NPY2R: variants seen among roughly 807,000 people sequenced by gnomAD.
NPY2R encodes neuropeptide Y receptor Y2, also known as neuropeptide Y receptor type 2.
In NPY2R, 17 loss-of-function variants were observed where a neutral mutation model predicts 22.3. That is an observed-to-expected ratio of 0.76 (90% CI 0.52 to 1.14). The LOEUF (loss-of-function observed/expected upper bound fraction) is 1.14. Among genes scored for constraint, NPY2R ranks in the 50% most tolerant of loss-of-function variants. The pLI is 0.00. For missense variants in NPY2R, 424 were observed against 467.9 expected, an observed-to-expected ratio of 0.91 and a Z score of 0.87; for synonymous variants, 209 against 183.4, an observed-to-expected ratio of 1.14 and a Z score of -1.13.
At chr4:155,177,129 C>T in the NPY2R span, among the ~76,000 whole-genome samples, 1 of 152,160 alleles carries the variant, frequency 6.6e-6, no homozygotes, top group Non-Finnish European at 1.5e-5. Flanking sequence ...TCATTCCATC[C>T]CAGTAGTCTC....
At chr4:155,200,235 A>G in the NPY2R span, among the ~76,000 whole-genome samples, 1 of 152,180 alleles carries the variant, frequency 6.6e-6, no homozygotes, top group South Asian at 2.1e-4. Flanking sequence ...GTGGTCAACA[A>G]ACATATGGGG....
Position 155,216,443 on chromosome 4 carries a change from G to A in NPY2R, c.*1358G>A, listed in dbSNP as rs532271459. 11 of 166,666 alleles carry A rather than the reference G, an allele frequency of 6.6e-5. 1 individual carries two copies. The highest frequency in any genetic ancestry group is 6.2e-4 in the South Asian group (3 of 4,810). 10.3% of individuals were successfully genotyped at this position (166,666 alleles called of 1,614,324 possible). A position where few individuals can be genotyped will look rare whatever the true frequency, so the allele number is the denominator to read the frequency against. Reference sequence around the variant, plus strand: ...AACTGAGATGTTAAAATAGTCATACGTCTTTAGATGCTATTAAAGTTTCAT... The same window carrying A: ...AACTGAGATGTTAAAATAGTCATACATCTTTAGATGCTATTAAAGTTTCAT... On this transcript the variant is annotated 3_prime_UTR_variant, in exon 2 of 2. Transcript: ENST00000329476.
In NPY2R at chr4:155,213,871, T is replaced by C. The variant is rs1312078835; in HGVS notation, c.-48-21T>C. ...GGTTTTTGTTGTTGTTGTTTTGTTT[T>C]ATTTTGTTTTTTCTTTTTAGGTTGT... On this transcript the variant is annotated intron_variant, in intron 1 of 1. Transcript: ENST00000329476. The C allele has an allele frequency of 2.3e-6, 3 of 1,285,604 alleles. No individual in the cohort carries two copies. In the Admixed American group the frequency reaches 5.1e-5, roughly 22 times the overall value. The allele number at this position is 1,285,604 out of a possible 1,614,324, so 79.6% of individuals were successfully genotyped here. A position where few individuals can be genotyped will look rare whatever the true frequency, so the allele number is the denominator to read the frequency against.
the NPY2R span, among the ~76,000 whole-genome samples, chr4:155,192,390 T>G: frequency 2.6e-5 from 4 of 151,834 alleles, no homozygotes; most frequent in Non-Finnish European, 5.9e-5. Flanking sequence ...AATATATTAG[T>G]GAAGACATTG....
the NPY2R span, among the ~76,000 whole-genome samples, chr4:155,175,787 TAAC>T: frequency 7.1e-6 from 1 of 140,018 alleles, no homozygotes; most frequent in East Asian, 2.1e-4. Context: ...AAGCAAAATA[TAAC>T]AATAAAGAAA....
At chr4:155,189,132 C>T in the NPY2R span, among the ~76,000 whole-genome samples, 1 of 152,110 alleles carries the variant, frequency 6.6e-6, no homozygotes, top group East Asian at 1.9e-4. Flanking sequence ...GTTTACATTG[C>T]TACCAGAATG....
the NPY2R span, among the ~76,000 whole-genome samples, chr4:155,185,328 G>A: frequency 4.7e-4 from 71 of 152,168 alleles, no homozygotes; most frequent in Admixed American, 1.6e-3. Flanking sequence ...GTGAGCCACC[G>A]CGCCCAGCCA....
the NPY2R span, among the ~76,000 whole-genome samples, chr4:155,180,591 TCTGA>T: frequency 6.6e-6 from 1 of 152,174 alleles, no homozygotes; most frequent in East Asian, 1.9e-4. Flanking sequence ...GTTTTATCCT[TCTGA>T]CTATTTTTTT....
At chr4:155,196,932 C>T in the NPY2R span, among the ~76,000 whole-genome samples, 2 of 151,886 alleles carry the variant, frequency 1.3e-5, no homozygotes. Flanking sequence ...TAAGAGATGT[C>T]ATGAATTAAA....
intron 1 of NPY2R, among the ~76,000 whole-genome samples, chr4:155,213,447 G>T (rs1244097542): frequency 6.6e-6 from 1 of 152,048 alleles, no homozygotes; most frequent in East Asian, 1.9e-4. Flanking sequence ...TATACAATTT[G>T]TTGCTGTATA....
chr4:155,192,406 A>G, the NPY2R span, among the ~76,000 whole-genome samples: 1 of 151,892 alleles, frequency 6.6e-6, no homozygotes, highest in Non-Finnish European at 1.5e-5. Flanking sequence ...CATTGTGAAA[A>G]AAAAGGCCTA....
chr4:155,200,927 G>A, the NPY2R span, among the ~76,000 whole-genome samples: 9 of 152,080 alleles, frequency 5.9e-5, no homozygotes, highest in South Asian at 1.0e-3. Flanking sequence ...CCTAGATGAC[G>A]GGTTGATAGG....
At chr4:155,181,810 A>G in the NPY2R span, among the ~76,000 whole-genome samples, 1 of 152,178 alleles carries the variant, frequency 6.6e-6, no homozygotes, top group South Asian at 2.1e-4. Flanking sequence ...ATGGACTAAG[A>G]TGTTCCACAC....
chr4:155,182,918 G>A, the NPY2R span, among the ~76,000 whole-genome samples: 379 of 152,072 alleles, frequency 2.5e-3, 4 homozygotes, highest in African/African-American at 8.5e-3. Flanking sequence ...TCAGCCTCCC[G>A]AGTAGCTGGG....
At chr4:155,184,260 G>A in the NPY2R span, among the ~76,000 whole-genome samples, 1 of 152,164 alleles carries the variant, frequency 6.6e-6, no homozygotes, top group Non-Finnish European at 1.5e-5. Context: ...TAAGTCCCTT[G>A]ACAGACTGGC....
At chr4:155,190,104 G>A in the NPY2R span, among the ~76,000 whole-genome samples, 1 of 152,014 alleles carries the variant, frequency 6.6e-6, no homozygotes, top group African/African-American at 2.4e-5. Context: ...ACACTTAAAT[G>A]TTTTTAAAAC....
chr4:155,199,283 A>G, the NPY2R span, among the ~76,000 whole-genome samples: 1 of 151,886 alleles, frequency 6.6e-6, no homozygotes, highest in African/African-American at 2.4e-5. Context: ...AAAATAGAGT[A>G]TAAGGCCCTA....
upstream of NPY2R, among the ~76,000 whole-genome samples, chr4:155,205,822 T>TATCTATCTATC (rs1729273456): frequency 6.6e-6 from 1 of 151,932 alleles, no homozygotes; most frequent in Non-Finnish European, 1.5e-5. Flanking sequence ...TCTATCTATC[T>TATCTATCTATC]ATCTATCTAT....
the NPY2R span, among the ~76,000 whole-genome samples, chr4:155,198,519 T>G: frequency 1.0e-5 from 1 of 99,250 alleles, no homozygotes; most frequent in East Asian, 4.1e-4. Flanking sequence ...CAAATATATT[T>G]TATAAATATA....
Sources: allele counts gnomAD v4.1 joint callset (sites outside exome capture counted in the v4.1 genomes callset), GRCh38; gene constraint gnomAD v4.1.1; transcripts MANE v1.5; gene names NCBI Gene and HGNC (gene_info 2026-07-23, HGNC 2026-07-21).